The following ESR1 variants were observed in gnomAD, a reference collection of about 807,000 sequenced individuals.
The protein encoded by ESR1 is estrogen receptor.
A neutral mutation model predicts 52.7 loss-of-function variants in ESR1; 12 were observed. The observed-to-expected ratio is 0.23, with a 90% confidence interval of 0.15 to 0.37. The LOEUF is 0.37. Ranked by LOEUF, ESR1 falls within the 10% of genes least tolerant of loss-of-function variation. ESR1 has a pLI of 1.00. For synonymous variants in ESR1, 305 were observed against 316.8 expected (o/e 0.96, Z 0.39); for missense variants, 584 against 779.7 (o/e 0.75, Z 2.99).
intron 5 of ESR1, among the ~76,000 whole-genome samples, chr6:152,051,583 C>T (rs2046683524): frequency 6.6e-6 from 1 of 151,902 alleles, no homozygotes; most frequent in Non-Finnish European, 1.5e-5. Flanking sequence ...GGCTGTCTTC[C>T]CCCATCTCTC....
At chr6:151,817,629 C>A (rs1562437474) in intron 1 of ESR1, among the ~76,000 whole-genome samples, 1 of 152,128 alleles carries the variant, frequency 6.6e-6, no homozygotes, top group Non-Finnish European at 1.5e-5. Context: ...GGAATAAATA[C>A]AAAGAAGGTA....
chr6:152,125,372 A>G (rs1281790034), exon 7 of ESR1: 3 of 1,545,014 alleles, frequency 1.9e-6, no homozygotes, highest in Admixed American at 2.0e-5. Flanking sequence ...AAGGCCTCAC[A>G]GTATCCTGCA....
intron 5 of ESR1, among the ~76,000 whole-genome samples, chr6:152,035,067 C>T (rs1441530181): frequency 6.6e-6 from 1 of 152,176 alleles, no homozygotes; most frequent in Non-Finnish European, 1.5e-5. Flanking sequence ...CTTCTTTTAG[C>T]AGCTGCATCC....
chr6:152,015,002 C>T (rs1490242486), intron 5 of ESR1, among the ~76,000 whole-genome samples: 1 of 152,038 alleles, frequency 6.6e-6, no homozygotes, highest in East Asian at 1.9e-4. Context: ...GGGAGGCAGA[C>T]GTTGCAGTGA....
intron 2 of ESR1, among the ~76,000 whole-genome samples, chr6:151,755,540 G>T (rs1393127250): frequency 6.6e-6 from 1 of 152,128 alleles, no homozygotes; most frequent in Non-Finnish European, 1.5e-5. Context: ...TGGTTTCCCT[G>T]CTCCTGCCTT....
chr6:151,977,220 C>G (rs1396463352), intron 4 of ESR1, among the ~76,000 whole-genome samples: 80 of 152,014 alleles, frequency 5.3e-4, no homozygotes. Context: ...TGTAATCCAG[C>G]CAAAGATTCC....
chr6:152,024,513 G>A (rs1333840005), intron 5 of ESR1, among the ~76,000 whole-genome samples: 2 of 151,282 alleles, frequency 1.3e-5, no homozygotes, highest in African/African-American at 4.8e-5. Flanking sequence ...AAGACCAAGG[G>A]GTGCCTTTTC....
chr6:151,935,533 C>G (rs189264801), intron 3 of ESR1, among the ~76,000 whole-genome samples: 6 of 152,278 alleles, frequency 3.9e-5, no homozygotes, highest in Non-Finnish European at 7.3e-5. Flanking sequence ...GCAGGTGGGG[C>G]CCAGGTCACC....
chr6:151,961,047 G>T (rs79928368), intron 4 of ESR1, among the ~76,000 whole-genome samples: 1,548 of 152,336 alleles, frequency 0.01, 21 homozygotes, highest in African/African-American at 0.035. Flanking sequence ...GAGGAAATCA[G>T]TTCAGTGTTG....
intron 1 of ESR1, among the ~76,000 whole-genome samples, chr6:151,665,311 T>A (rs925368312): frequency 1.3e-5 from 2 of 152,212 alleles, no homozygotes; most frequent in East Asian, 3.9e-4. Flanking sequence ...CTGAGCTTCA[T>A]GCAGTCCGCA....
chr6:152,026,574 A>G (rs1229349756), intron 5 of ESR1, among the ~76,000 whole-genome samples: 1 of 151,870 alleles, frequency 6.6e-6, no homozygotes, highest in African/African-American at 2.4e-5. Flanking sequence ...ATTGATACCA[A>G]CACAGTTTAA....
intron 3 of ESR1, among the ~76,000 whole-genome samples, chr6:151,887,424 CA>C (rs1233615385): frequency 6.6e-6 from 1 of 151,948 alleles, no homozygotes; most frequent in South Asian, 2.1e-4. Flanking sequence ...AAGTGAATCA[CA>C]TATGGACCTT....
At chr6:151,864,790 G>C (rs936213557) in intron 2 of ESR1, among the ~76,000 whole-genome samples, 1 of 152,100 alleles carries the variant, frequency 6.6e-6, no homozygotes, top group Non-Finnish European at 1.5e-5. Context: ...ACTTTGTAGG[G>C]ACATGGATGA....
At chr6:152,077,535 A>G (rs9479201) in intron 6 of ESR1, among the ~76,000 whole-genome samples, 31,941 of 151,922 alleles carry the variant, frequency 0.21, 4,706 homozygotes, top group African/African-American at 0.41. Context: ...AGCTTGCACC[A>G]TGTGCCTGGA....
chr6:152,029,991 A>G (rs1364381975), intron 5 of ESR1, among the ~76,000 whole-genome samples: 1 of 152,236 alleles, frequency 6.6e-6, no homozygotes, highest in East Asian at 1.9e-4. Flanking sequence ...GATATTACAC[A>G]TTCTTAAAGA....
intron 2 of ESR1, among the ~76,000 whole-genome samples, chr6:151,725,415 T>C (rs1214665475): frequency 6.6e-6 from 1 of 152,214 alleles, no homozygotes; most frequent in African/African-American, 2.4e-5. Context: ...TAAATCTTTT[T>C]GTTTGTTTTT....
chr6:151,673,864 A>G (rs1394057751), intron 1 of ESR1, among the ~76,000 whole-genome samples: 1 of 152,142 alleles, frequency 6.6e-6, no homozygotes, highest in East Asian at 1.9e-4. Context: ...GTTGGAGTAC[A>G]AACTTTCAGC....
intron 6 of ESR1, among the ~76,000 whole-genome samples, chr6:152,075,358 C>CT (rs2048657147): frequency 6.6e-6 from 1 of 152,278 alleles, no homozygotes; most frequent in Admixed American, 6.5e-5. Flanking sequence ...ATTTATGATT[C>CT]TGGAATTCTG....
At chr6:151,916,955 A>C (rs964199777) in intron 3 of ESR1, among the ~76,000 whole-genome samples, 1 of 152,144 alleles carries the variant, frequency 6.6e-6, no homozygotes, top group Non-Finnish European at 1.5e-5. Flanking sequence ...GGCTTTATTA[A>C]ATCTCCAGCG....
Sources: allele counts gnomAD v4.1 joint callset (sites outside exome capture counted in the v4.1 genomes callset), GRCh38; gene constraint gnomAD v4.1.1; transcripts MANE v1.5; gene names NCBI Gene and HGNC (gene_info 2026-07-23, HGNC 2026-07-21).